The following CNTNAP4 variants were observed in gnomAD, a reference collection of about 807,000 sequenced individuals.
The protein encoded by CNTNAP4 is contactin-associated protein-like 4.
In CNTNAP4, 98 loss-of-function variants were observed where a neutral mutation model predicts 148.4. The observed-to-expected ratio is 0.66, with a 90% CI of 0.56 to 0.78. The LOEUF (loss-of-function observed/expected upper bound fraction) is 0.78, where lower values mean the gene tolerates loss of function less well. Ranked by LOEUF, CNTNAP4 falls within the 30% of genes least tolerant of loss-of-function variation. The probability of loss-of-function intolerance (pLI) is 0.00; values close to 1 mark genes in which losing one functional copy is unlikely to be tolerated. For missense variants in CNTNAP4, 1,935 were observed against 1,565.6 expected (o/e 1.24, Z -3.98); for synonymous variants, 730 against 565.1 (o/e 1.29, Z -4.14).
intron 13 of CNTNAP4, among the ~76,000 whole-genome samples, chr16:76,491,856 G>T (rs201325297): frequency 6.2e-5 from 1 of 16,156 alleles, no homozygotes; most frequent in East Asian, 3.3e-3. Flanking sequence ...ATATCCCATT[G>T]TGTGTGTGTG....
chr16:76,548,295 CTTTTTTTTTTTTTT>C (rs66981960), intron 21 of CNTNAP4, among the ~76,000 whole-genome samples: 3 of 92,908 alleles, frequency 3.2e-5, no homozygotes, highest in Non-Finnish European at 6.2e-5. Context: ...TTCACTGCAC[CTTTTTTTTTTTTTT>C]TTTTTTTTTT....
intron 2 of CNTNAP4, among the ~76,000 whole-genome samples, chr16:76,340,781 C>G (rs186310396): frequency 2.0e-5 from 3 of 152,282 alleles, no homozygotes; most frequent in Non-Finnish European, 4.4e-5. Flanking sequence ...ACTCCTAACT[C>G]TGATTAATAC....
Position 76,355,428 on chromosome 16 carries a change from T to A in CNTNAP4, c.307T>A (p.Ser103Thr). 1 of 1,613,306 alleles carries A rather than the reference T, an allele frequency of 6.2e-7. No homozygotes were observed. The highest frequency in any genetic ancestry group is 8.5e-7 in the Non-Finnish European group (1 of 1,179,600). The change falls in exon 3 of 24, where the codon TCC becomes ACC. Residue 103 changes from serine to threonine, a missense_variant. Ser to Thr is a moderately conservative substitution (Grantham distance 58). Coordinates refer to ENST00000611870, the MANE Select transcript of CNTNAP4 (RefSeq NM_033401.5). ...AVATQGGYGS[S>T]NWVTSYLLMF... ...GGCCACTCAAGGGGGATATGGTAGC[T>A]CCAACTGGGTGACCAGCTACCTCCT...
intron 21 of CNTNAP4, among the ~76,000 whole-genome samples, chr16:76,547,192 T>C (rs1196367318): frequency 6.6e-6 from 1 of 152,188 alleles, no homozygotes; most frequent in Non-Finnish European, 1.5e-5. Context: ...TAGGATGTAA[T>C]TAATTAAAGG....
intron 3 of CNTNAP4, among the ~76,000 whole-genome samples, chr16:76,388,704 T>G (rs181008439): frequency 3.9e-5 from 6 of 152,356 alleles, no homozygotes; most frequent in Admixed American, 1.3e-4. Context: ...TAGGAAATGT[T>G]CTAGACATTT....
At chr16:76,498,430 G>T (rs1187031346) in intron 14 of CNTNAP4, 137 bp from the exon 15 acceptor site, 3 of 553,596 alleles carry the variant, frequency 5.4e-6, no homozygotes, top group Non-Finnish European at 9.3e-6. Flanking sequence ...ATGTCATTCT[G>T]TTTTTATGTG....
Position 76,387,821 on chromosome 16 carries a change from C to G in CNTNAP4, c.390+32310C>G, listed in dbSNP as rs187173045. 2.9e-3 allele frequency among the ~76,000 whole-genome samples: 441 copies of G among 152,154 alleles called. 3 individuals are homozygous for G. Among genetic ancestry groups the G allele is most frequent in the African/African-American group, 0.01 (428 of 41,512 alleles). ...TGATATAGAATACTTATTTTACTTCCTAGTATATAGGCTGTGCTCAATAAA... is the reference window on the plus strand; with the variant it reads ...TGATATAGAATACTTATTTTACTTCGTAGTATATAGGCTGTGCTCAATAAA... On this transcript the variant is annotated intron_variant, in intron 3 of 23. Coordinates refer to ENST00000611870, the MANE Select transcript of CNTNAP4 (RefSeq NM_033401.5).
intron 4 of CNTNAP4, among the ~76,000 whole-genome samples, chr16:76,437,460 G>A (rs1363686637): frequency 2.6e-5 from 4 of 152,206 alleles, no homozygotes; most frequent in Non-Finnish European, 5.9e-5. Flanking sequence ...CAGGGTCATG[G>A]CAAAAGAATT....
intron 21 of CNTNAP4, among the ~76,000 whole-genome samples, chr16:76,549,431 C>T (rs568127195): frequency 6.6e-6 from 1 of 152,028 alleles, no homozygotes; most frequent in Admixed American, 6.6e-5. Flanking sequence ...TGTGAGCCAC[C>T]TAAGGTGATC....
chr16:76,517,189 G>T (rs1284570114), intron 15 of CNTNAP4, among the ~76,000 whole-genome samples: 3 of 152,146 alleles, frequency 2.0e-5, no homozygotes, highest in Non-Finnish European at 4.4e-5. Context: ...AATTAGTTGT[G>T]CCAGGAGGTT....
At chr16:76,528,027 G>C (rs1431706601) in intron 17 of CNTNAP4, among the ~76,000 whole-genome samples, 1 of 151,938 alleles carries the variant, frequency 6.6e-6, no homozygotes, top group Non-Finnish European at 1.5e-5. Flanking sequence ...AAATTTGGTA[G>C]AACCCTATTG....
intron 1 of CNTNAP4, among the ~76,000 whole-genome samples, chr16:76,308,486 G>C (rs1387273695): frequency 6.6e-6 from 1 of 152,108 alleles, no homozygotes; most frequent in African/African-American, 2.4e-5. Context: ...ACACCGTCAG[G>C]CACCATGGCT....
chr16:76,412,387 T>G (rs1214638119), intron 3 of CNTNAP4, among the ~76,000 whole-genome samples: 1 of 151,352 alleles, frequency 6.6e-6, no homozygotes, highest in African/African-American at 2.4e-5. Flanking sequence ...AATTGCCAAC[T>G]CATAAAAAAT....
chr16:76,292,695 C>T (rs1959162446), intron 1 of CNTNAP4, among the ~76,000 whole-genome samples: 1 of 149,012 alleles, frequency 6.7e-6, no homozygotes, highest in Non-Finnish European at 1.5e-5. Context: ...TTCTGTCTTC[C>T]TTATCAAAAA....
At chr16:76,490,705 G>A (rs949066192) in intron 13 of CNTNAP4, among the ~76,000 whole-genome samples, 2 of 152,068 alleles carry the variant, frequency 1.3e-5, no homozygotes, top group African/African-American at 2.4e-5. Flanking sequence ...AAGCTCTACC[G>A]CCTTTCTGTT....
intron 15 of CNTNAP4, among the ~76,000 whole-genome samples, chr16:76,503,925 T>G (rs972133522): frequency 6.6e-6 from 1 of 152,048 alleles, no homozygotes; most frequent in Non-Finnish European, 1.5e-5. Flanking sequence ...AATATTTTGG[T>G]GTAAATATAA....
intron 4 of CNTNAP4, among the ~76,000 whole-genome samples, chr16:76,429,671 A>G (rs931577872): frequency 7.9e-5 from 12 of 152,198 alleles, no homozygotes; most frequent in African/African-American, 2.9e-4. Context: ...GTGATAGCTA[A>G]GGTACAGGTT....
At chr16:76,389,628 TC>T (rs1452427870) in intron 3 of CNTNAP4, among the ~76,000 whole-genome samples, 1 of 151,970 alleles carries the variant, frequency 6.6e-6, no homozygotes, top group East Asian at 1.9e-4. Context: ...TATTTTTTTT[TC>T]TTTTTTCTTT....
rs2085314079 is a variant in CNTNAP4 at position 76,559,010 on chromosome 16, A to G, written c.*327A>G. 1 of 168,860 alleles carries G rather than the reference A, an allele frequency of 5.9e-6. No homozygotes were observed. The allele number at this position is 168,860 out of a possible 1,614,324, so 10.5% of individuals were successfully genotyped here. A position where few individuals can be genotyped will look rare whatever the true frequency, so the allele number is the denominator to read the frequency against. ...TGGTCTCTTAACCATGTAATACATAAGTTTTGTTAGAGGTAAAAATTAAAT... is the reference window on the plus strand; with the variant it reads ...TGGTCTCTTAACCATGTAATACATAGGTTTTGTTAGAGGTAAAAATTAAAT... On this transcript the variant is annotated 3_prime_UTR_variant, in exon 24 of 24. Transcript: ENST00000611870.
Sources: allele counts gnomAD v4.1 joint callset (sites outside exome capture counted in the v4.1 genomes callset), GRCh38; gene constraint gnomAD v4.1.1; transcripts MANE v1.5; gene names NCBI Gene and HGNC (gene_info 2026-07-23, HGNC 2026-07-21).